SGCZ: variants seen among roughly 807,000 people sequenced by gnomAD.
SGCZ encodes sarcoglycan zeta.
SGCZ carries 40 observed loss-of-function variants against 41.3 expected under a neutral mutation model. That is an observed-to-expected ratio of 0.97 (90% confidence interval 0.75 to 1.26). The LOEUF is 1.26. SGCZ is among the 50% of genes most tolerant of loss of function. SGCZ has a pLI of 0.00. For missense variants in SGCZ, 552 were observed against 369.8 expected (o/e 1.49, Z -4.04); for synonymous variants, 206 against 137.5 (o/e 1.50, Z -3.49).
intron 1 of SGCZ, among the ~76,000 whole-genome samples, chr8:14,876,267 A>T (rs1475851263): frequency 6.6e-6 from 1 of 152,180 alleles, no homozygotes; most frequent in African/African-American, 2.4e-5. Context: ...TGGGTCAAAG[A>T]AGAAGACAGG....
intron 1 of SGCZ, among the ~76,000 whole-genome samples, chr8:14,854,931 T>C (rs932463359): frequency 3.3e-5 from 5 of 151,492 alleles, no homozygotes; most frequent in Non-Finnish European, 7.4e-5. Flanking sequence ...TGAACAATCA[T>C]GCAGAGGTCC....
intron 1 of SGCZ, among the ~76,000 whole-genome samples, chr8:14,798,441 A>G (rs929358421): frequency 1.3e-5 from 2 of 152,188 alleles, no homozygotes; most frequent in South Asian, 2.1e-4. Context: ...CTGGTTTATC[A>G]AAGTTATCAT....
At chr8:14,691,415 G>A (rs908894268) in intron 1 of SGCZ, among the ~76,000 whole-genome samples, 2 of 151,968 alleles carry the variant, frequency 1.3e-5, no homozygotes, top group Admixed American at 6.6e-5. Context: ...TGTAAATGAG[G>A]GAAAGAAAGA....
chr8:14,918,088 T>A (rs1799490215), intron 1 of SGCZ, among the ~76,000 whole-genome samples: 1 of 152,170 alleles, frequency 6.6e-6, no homozygotes, highest in South Asian at 2.1e-4. Flanking sequence ...ATTGCCTACT[T>A]TCATACTTCA....
At chr8:14,491,717 G>T (rs1400251153) in intron 2 of SGCZ, among the ~76,000 whole-genome samples, 1 of 152,126 alleles carries the variant, frequency 6.6e-6, no homozygotes. Flanking sequence ...TTGTTACACT[G>T]TCCAGTAACT....
At chr8:14,704,688 A>AC (rs56362606) in intron 1 of SGCZ, among the ~76,000 whole-genome samples, 267 of 152,094 alleles carry the variant, frequency 1.8e-3, no homozygotes, top group Middle Eastern at 0.01. Context: ...CCAGCTGCAT[A>AC]TACTTGTATA....
At chr8:15,224,949 A>G (rs1411386671) in intron 1 of SGCZ, among the ~76,000 whole-genome samples, 1 of 152,194 alleles carries the variant, frequency 6.6e-6, no homozygotes, top group African/African-American at 2.4e-5. Context: ...TCAAATATAT[A>G]AGGCAAACAT....
intron 1 of SGCZ, among the ~76,000 whole-genome samples, chr8:15,190,375 G>A (rs1800493533): frequency 7.7e-6 from 1 of 130,528 alleles, no homozygotes; most frequent in African/African-American, 2.5e-5. Context: ...CATCTATTAT[G>A]TATTTTGCAC....
At chr8:14,163,652 A>G (rs1201610961) in intron 5 of SGCZ, among the ~76,000 whole-genome samples, 1 of 152,216 alleles carries the variant, frequency 6.6e-6, no homozygotes, top group Non-Finnish European at 1.5e-5. Context: ...AGGGAAAATC[A>G]GAGGCATCTA....
rs559715839 is a variant in SGCZ, at chr8:14,542,649, T to A, written c.234+12083A>T. 2.6e-5 allele frequency among the ~76,000 whole-genome samples: 4 copies of A among 152,108 alleles called. No individual in the cohort carries two copies. The South Asian group carries it at 8.3e-4, about 31-fold the overall frequency. ...TGGACTCTCTTAAACCAAATTGGTG[T>A]TCCTGGCACATAGTTTTAAAAGCTA... On this transcript the variant is annotated intron_variant, in intron 2 of 7. Coordinates refer to ENST00000382080, the MANE Select transcript of SGCZ (RefSeq NM_139167.4).
At chr8:14,386,852 T>C (rs1804596526) in intron 2 of SGCZ, among the ~76,000 whole-genome samples, 1 of 152,196 alleles carries the variant, frequency 6.6e-6, no homozygotes, top group Non-Finnish European at 1.5e-5. Context: ...AATTCTATAA[T>C]GGTATTTTGG....
chr8:15,213,335 C>T (rs1374379262), intron 1 of SGCZ, among the ~76,000 whole-genome samples: 1 of 151,416 alleles, frequency 6.6e-6, no homozygotes, highest in Non-Finnish European at 1.5e-5. Flanking sequence ...AAAATATACA[C>T]AAAAAATTTT....
chr8:14,753,066 C>A (rs143742394), intron 1 of SGCZ, among the ~76,000 whole-genome samples: 1 of 152,100 alleles, frequency 6.6e-6, no homozygotes, highest in African/African-American at 2.4e-5. Flanking sequence ...TGTAATTGGA[C>A]AGTTTTGGTT....
intron 1 of SGCZ, among the ~76,000 whole-genome samples, chr8:14,954,011 T>C (rs1049761479): frequency 2.0e-5 from 3 of 152,344 alleles, no homozygotes; most frequent in Admixed American, 2.0e-4. Flanking sequence ...GAAATTTATA[T>C]GACAGATAAA....
At chr8:14,677,863 G>A (rs1222779980) in intron 1 of SGCZ, among the ~76,000 whole-genome samples, 4 of 152,104 alleles carry the variant, frequency 2.6e-5, no homozygotes, top group Non-Finnish European at 4.4e-5. Flanking sequence ...TGAAGGAGGA[G>A]AACGAAGTTG....
chr8:14,996,805 G>C (rs1563421613), intron 1 of SGCZ, among the ~76,000 whole-genome samples: 1 of 152,150 alleles, frequency 6.6e-6, no homozygotes. Context: ...ACAATAATTT[G>C]TGCCACACTC....
At chr8:15,053,646 T>C (rs1243446714) in intron 1 of SGCZ, among the ~76,000 whole-genome samples, 2 of 152,188 alleles carry the variant, frequency 1.3e-5, no homozygotes, top group Non-Finnish European at 2.9e-5. Context: ...ATATTGGTTT[T>C]ACTCTTTTCA....
At position 14,796,970 on chromosome 8, in the gene SGCZ, G is replaced by A. The variant is rs143918371; in HGVS notation, c.40-242044C>T. Among the ~76,000 whole-genome samples the A allele has an allele frequency of 2.8e-3, 421 of 152,254 alleles. 3 individuals carry two copies. Among genetic ancestry groups the A allele is most frequent in the African/African-American group, 9.6e-3 (398 of 41,546 alleles). On this transcript the variant is annotated intron_variant, in intron 1 of 7. Coordinates refer to ENST00000382080, the MANE Select transcript of SGCZ (RefSeq NM_139167.4). ...CTGCCATGATTGTAAGTTTCCTGATGCCTCCCCAGCCGTGCTGAACCACAA... is the reference window on the plus strand; with the variant it reads ...CTGCCATGATTGTAAGTTTCCTGATACCTCCCCAGCCGTGCTGAACCACAA...
intron 1 of SGCZ, among the ~76,000 whole-genome samples, chr8:15,008,300 T>C (rs974722629): frequency 6.6e-6 from 1 of 152,022 alleles, no homozygotes; most frequent in Non-Finnish European, 1.5e-5. Flanking sequence ...CCATTAAGTT[T>C]CTGTCATGGT....
Sources: allele counts gnomAD v4.1 joint callset (sites outside exome capture counted in the v4.1 genomes callset), GRCh38; gene constraint gnomAD v4.1.1; transcripts MANE v1.5; gene names NCBI Gene and HGNC (gene_info 2026-07-23, HGNC 2026-07-21).